Variants in ACVR1C observed in about 807,000 individuals in gnomAD.
ACVR1C encodes the protein activin A receptor type 1C, also known as activin receptor type-1C.
Under a neutral mutation model 57.9 loss-of-function variants are expected in ACVR1C, and 23 were observed. The ratio of observed to expected loss-of-function variants is 0.40; its 90% confidence interval spans 0.29 to 0.56. The LOEUF (loss-of-function observed/expected upper bound fraction) is 0.56. Among genes scored for constraint, ACVR1C ranks in the 20% least tolerant of loss-of-function variants. The pLI, the probability that ACVR1C is intolerant of heterozygous loss-of-function variation, is 0.50. For synonymous variants in ACVR1C, 214 were observed against 215.3 expected, an observed-to-expected ratio of 0.99 and a Z score of 0.05; for missense variants, 480 against 607.9, an observed-to-expected ratio of 0.79 and a Z score of 2.21.
In ACVR1C at chr2:157,628,737, G is replaced by A. The variant is rs1682963892; in HGVS notation, c.-93C>T. ...CCCGCTTTGAAGTTCCCGGGCCGCG[G>A]GAGGGGAGCGCGGCACCGACACCCT... On this transcript the variant is annotated 5_prime_UTR_variant, in exon 1 of 9. Coordinates refer to ENST00000243349, the MANE Select transcript of ACVR1C (RefSeq NM_145259.3). 5.2e-6 allele frequency: 6 copies of A among 1,155,864 alleles called. No individual in the cohort carries two copies. The highest frequency in any genetic ancestry group is 7.0e-6 in the Non-Finnish European group (6 of 858,728). The allele number at this position is 1,155,864 out of a possible 1,614,324, so 71.6% of individuals were successfully genotyped here. A position where few individuals can be genotyped will look rare whatever the true frequency, so the allele number is the denominator to read the frequency against.
intron 2 of ACVR1C, among the ~76,000 whole-genome samples, chr2:157,576,523 C>A (rs1423227858): frequency 1.3e-5 from 2 of 151,834 alleles, no homozygotes; most frequent in Non-Finnish European, 2.9e-5. Context: ...CATTTCTTTG[C>A]CTTAAAAAAA....
intron 2 of ACVR1C, among the ~76,000 whole-genome samples, chr2:157,559,928 A>G (rs1688197037): frequency 6.6e-6 from 1 of 151,610 alleles, no homozygotes; most frequent in Non-Finnish European, 1.5e-5. Flanking sequence ...AAGGAAGGAA[A>G]AAGGAAAGAG....
intron 1 of ACVR1C, among the ~76,000 whole-genome samples, chr2:157,592,293 G>T (rs773251244): frequency 1.3e-5 from 2 of 152,048 alleles, no homozygotes; most frequent in Admixed American, 1.3e-4. Flanking sequence ...TTATAAAAAT[G>T]ATTACATAAT....
intron 3 of ACVR1C, 113 bp from the exon 4 acceptor site, chr2:157,550,505 T>G (rs1687888766): frequency 1.0e-6 from 1 of 976,484 alleles, no homozygotes; most frequent in African/African-American, 1.7e-5. Flanking sequence ...TTTAATAATT[T>G]TATCTATTTT....
chr2:157,604,266 T>C (rs1285751594), intron 1 of ACVR1C, among the ~76,000 whole-genome samples: 1 of 152,030 alleles, frequency 6.6e-6, no homozygotes, highest in Non-Finnish European at 1.5e-5. Flanking sequence ...CTTATACTAC[T>C]TTTTAGACAT....
intron 1 of ACVR1C, among the ~76,000 whole-genome samples, chr2:157,611,253 C>T (rs748658989): frequency 4.6e-5 from 7 of 152,116 alleles, no homozygotes; most frequent in South Asian, 2.1e-4. Context: ...TTTGGGTGCA[C>T]GCAGTACTGT....
rs1367681375 is a variant in ACVR1C, at chr2:157,542,761, C to T, written c.1045G>A (p.Asp349Asn). 1 of 1,614,158 alleles carries T rather than the reference C, an allele frequency of 6.2e-7. No homozygotes were observed. Among genetic ancestry groups the T allele is most frequent in the South Asian group, 1.1e-5 (1 of 91,080 alleles). ...IADLGLAVKH[D>N]SILNTIDIPQ... ...ATGTCGATAGTGTTCAGTATTGAAT[C>T]ATGCTTCACAGCCAACCCTAAGTCC... The change falls in exon 6 of 9, where the codon GAT (aspartate) becomes AAT (asparagine). Residue 349 changes from aspartate (D) to asparagine (N), a missense_variant. Physicochemically the swap from Asp to Asn is conservative, Grantham distance 23. Transcript: ENST00000243349.
chr2:157,566,595 G>A (rs1421383378), intron 2 of ACVR1C, among the ~76,000 whole-genome samples: 4 of 152,116 alleles, frequency 2.6e-5, no homozygotes, highest in Non-Finnish European at 5.9e-5. Context: ...AAAGAAAGGG[G>A]TGATGGACGC....
intron 1 of ACVR1C, among the ~76,000 whole-genome samples, chr2:157,624,438 AAAGTGT>A (rs1333927352): frequency 1.3e-5 from 2 of 152,236 alleles, no homozygotes; most frequent in African/African-American, 4.8e-5. Flanking sequence ...GAGAAACATG[AAAGTGT>A]ATTCAAAAGG....
chr2:157,580,660 G>A (rs1003396291), intron 2 of ACVR1C, among the ~76,000 whole-genome samples: 8 of 151,918 alleles, frequency 5.3e-5, no homozygotes, highest in African/African-American at 9.7e-5. Flanking sequence ...TTGCTCGACA[G>A]CCAAGAATAA....
chr2:157,546,240 C>A (rs1163309002), intron 4 of ACVR1C, among the ~76,000 whole-genome samples: 1 of 152,188 alleles, frequency 6.6e-6, no homozygotes, highest in African/African-American at 2.4e-5. Context: ...TTCTTAACAG[C>A]TAAATGAGAA....
chr2:157,564,224 A>T (rs1688307263), intron 2 of ACVR1C, among the ~76,000 whole-genome samples: 1 of 152,224 alleles, frequency 6.6e-6, no homozygotes, highest in Admixed American at 6.5e-5. Flanking sequence ...CATTAGACAA[A>T]GGTCCAGTAT....
chr2:157,544,710 G>C, intron 4 of ACVR1C, 98 bp from the exon 5 acceptor site: 1 of 1,055,358 alleles, frequency 9.5e-7, no homozygotes, highest in South Asian at 1.9e-5. Flanking sequence ...TGTTAACAAA[G>C]CAAAGTTAAT....
intron 4 of ACVR1C, among the ~76,000 whole-genome samples, chr2:157,549,845 A>T (rs1430539598): frequency 6.7e-6 from 1 of 149,666 alleles, no homozygotes; most frequent in East Asian, 1.9e-4. Context: ...AAAAAAAAAA[A>T]AAAAAAAATT....
chr2:157,564,188 A>G (rs899782254), intron 2 of ACVR1C, among the ~76,000 whole-genome samples: 19 of 152,214 alleles, frequency 1.2e-4, no homozygotes, highest in Admixed American at 1.0e-3. Context: ...AACCTACAGA[A>G]CGGAAGAAAA....
At chr2:157,601,989 C>T (rs1226170408) in intron 1 of ACVR1C, among the ~76,000 whole-genome samples, 2 of 152,190 alleles carry the variant, frequency 1.3e-5, no homozygotes, top group African/African-American at 4.8e-5. Context: ...ACATTTAAGG[C>T]ACAAACCACA....
chr2:157,618,313 T>A (rs1447631033), intron 1 of ACVR1C, among the ~76,000 whole-genome samples: 1 of 151,682 alleles, frequency 6.6e-6, no homozygotes, highest in Non-Finnish European at 1.5e-5. Flanking sequence ...TAGAGAGGCA[T>A]AGCTTAGAAA....
Position 157,628,835 on chromosome 2 carries a change from C to T in ACVR1C, c.-191G>A. The T allele has an allele frequency of 2.6e-6, 1 of 377,544 alleles. No individual in the cohort carries two copies. The highest frequency in any genetic ancestry group is 4.6e-6 in the Non-Finnish European group (1 of 216,434). The allele number at this position is 377,544 out of a possible 1,614,324, so 23.4% of individuals were successfully genotyped here. ...GGCCGCCCCCATCCCACGCCCCCTG[C>T]GGCTGGCGGTGCGCGGCGCTCCTGC... On this transcript the variant is annotated 5_prime_UTR_variant, in exon 1 of 9. Coordinates refer to ENST00000243349, the MANE Select transcript of ACVR1C (RefSeq NM_145259.3).
intron 3 of ACVR1C, 28 bp from the exon 4 acceptor site, chr2:157,550,420 A>G: frequency 6.3e-7 from 1 of 1,590,136 alleles, no homozygotes; most frequent in Non-Finnish European, 8.6e-7. Flanking sequence ...GGAATTGATA[A>G]TTAAACACAA....
Sources: gnomAD v4.1 joint callset for allele counts (sites outside exome capture counted in the v4.1 genomes callset) on GRCh38, gnomAD v4.1.1 for gene constraint, MANE v1.5 for transcripts, NCBI Gene and HGNC (gene_info 2026-07-23, HGNC 2026-07-21) for gene names.